Variants in FABP6 observed in about 807,000 individuals in gnomAD.
FABP6 encodes fatty acid binding protein 6, also known as gastrotropin.
FABP6 carries 13 observed loss-of-function variants against 14.9 expected under a neutral mutation model. That is an observed-to-expected ratio of 0.87 (90% CI 0.57 to 1.39). The LOEUF (loss-of-function observed/expected upper bound fraction) is 1.39. FABP6 is among the 40% of genes most tolerant of loss of function. The pLI is 0.00. For missense variants in FABP6, 161 were observed against 167.2 expected (o/e 0.96, Z 0.20); for synonymous variants, 75 against 63.6 (o/e 1.18, Z -0.85).
intron 3 of FABP6, among the ~76,000 whole-genome samples, chr5:160,218,461 C>T (rs1296332508): frequency 4.3e-5 from 5 of 116,408 alleles, no homozygotes; most frequent in Non-Finnish European, 3.3e-5. Flanking sequence ...TAGTCTTTGA[C>T]TTTTTTTTTT....
At chr5:160,213,609 A>T in intron 2 of FABP6, 1 of 773,568 alleles carries the variant, frequency 1.3e-6, no homozygotes, top group South Asian at 1.5e-5. Context: ...TGCTCAAATC[A>T]GTTTCCATTG....
chr5:160,190,698 C>T (rs1433318150), intron 1 of FABP6, among the ~76,000 whole-genome samples: 1 of 152,190 alleles, frequency 6.6e-6, no homozygotes, highest in Non-Finnish European at 1.5e-5. Flanking sequence ...CCTCCCTTCC[C>T]TTAACCTATG....
chr5:160,238,119 C>T (rs1003875259), intron 3 of FABP6, among the ~76,000 whole-genome samples: 3 of 152,164 alleles, frequency 2.0e-5, no homozygotes, highest in Non-Finnish European at 4.4e-5. Context: ...AGCATCCCCC[C>T]CGCCTGCCTC....
chr5:160,204,545 A>G (rs1759718767), intron 2 of FABP6, among the ~76,000 whole-genome samples: 2 of 151,878 alleles, frequency 1.3e-5, no homozygotes, highest in Non-Finnish European at 2.9e-5. Flanking sequence ...GCTGGAGTGC[A>G]GTGGCGCAAT....
At chr5:160,223,381 CCCTCTCTCCTTCCT>C (rs1760172949) in intron 3 of FABP6, among the ~76,000 whole-genome samples, 1 of 62,952 alleles carries the variant, frequency 1.6e-5, no homozygotes, top group South Asian at 5.4e-4. Flanking sequence ...CTCCCTCCCT[CCCTCTCTCCTTCCT>C]TCCTTCCTTC....
At chr5:160,187,742 A>ATTATTTATTTATTTATTTATTTAT (rs147766560) in intron 1 of FABP6, among the ~76,000 whole-genome samples, 6 of 150,562 alleles carry the variant, frequency 4.0e-5, no homozygotes, top group Admixed American at 3.3e-4. Context: ...AATATTTGCT[A>ATTATTTATTTATTTATTTATTTAT]TTATTTATTT....
At chr5:160,215,811 G>A (rs1760001254) in intron 3 of FABP6, among the ~76,000 whole-genome samples, 3 of 152,160 alleles carry the variant, frequency 2.0e-5, no homozygotes, top group African/African-American at 7.2e-5. Flanking sequence ...CTGCTGTTGT[G>A]AGGAATGGGG....
At chr5:160,191,282 A>G (rs1167874151) in intron 1 of FABP6, among the ~76,000 whole-genome samples, 4 of 152,018 alleles carry the variant, frequency 2.6e-5, no homozygotes, top group Non-Finnish European at 5.9e-5. Context: ...CCTGGCCAAC[A>G]TGGTGACACC....
intron 2 of FABP6, among the ~76,000 whole-genome samples, chr5:160,233,045 G>T (rs190014234): frequency 1.4e-5 from 2 of 147,666 alleles, no homozygotes; most frequent in Admixed American, 1.4e-4. Context: ...GCAGTGTCAT[G>T]ATCTCGGCTC....
intron 3 of FABP6, chr5:160,213,898 T>C (rs1238722306): frequency 8.6e-7 from 1 of 1,165,934 alleles, no homozygotes; most frequent in Non-Finnish European, 1.3e-6. Context: ...ACCTAGACTT[T>C]GTGTCCTATC....
chr5:160,229,076 T>C (rs757335567), upstream of FABP6, among the ~76,000 whole-genome samples: 1 of 152,204 alleles, frequency 6.6e-6, no homozygotes, highest in Non-Finnish European at 1.5e-5. Context: ...TCTGCAGGTG[T>C]GTGCTTGTCT....
upstream of FABP6, among the ~76,000 whole-genome samples, chr5:160,225,068 C>T (rs1230863129): frequency 2.7e-5 from 4 of 149,926 alleles, no homozygotes; most frequent in African/African-American, 9.9e-5. Context: ...GTATGAACTA[C>T]CATGTCTGGT....
At chr5:160,208,283 A>G (rs1465933602) in intron 2 of FABP6, among the ~76,000 whole-genome samples, 1 of 152,040 alleles carries the variant, frequency 6.6e-6, no homozygotes, top group East Asian at 1.9e-4. Context: ...TGTCTAAAAA[A>G]AAAAATTAGT....
chr5:160,219,674 A>T (rs1016814840), intron 3 of FABP6, among the ~76,000 whole-genome samples: 4 of 45,704 alleles, frequency 8.8e-5, no homozygotes, highest in Non-Finnish European at 1.9e-4. Flanking sequence ...ACCTTGGAAG[A>T]GTAGCAACTA....
chr5:160,231,169 T>G (rs912863028), intron 1 of FABP6, among the ~76,000 whole-genome samples: 4 of 152,142 alleles, frequency 2.6e-5, no homozygotes, highest in East Asian at 3.9e-4. Context: ...CTTGGGGCCT[T>G]GAGGAGTCGA....
At chr5:160,214,098 TCTTTCTTTCTTTC>T (rs1759956514) in intron 3 of FABP6, among the ~76,000 whole-genome samples, 1 of 55,536 alleles carries the variant, frequency 1.8e-5, no homozygotes, top group South Asian at 6.5e-4. Context: ...TCTCTTTCTT[TCTTTCTTTCTTTC>T]TTTCTTTCTT....
chr5:160,190,954 T>C (rs1348943682), intron 1 of FABP6, among the ~76,000 whole-genome samples: 1 of 66,586 alleles, frequency 1.5e-5, no homozygotes, highest in Non-Finnish European at 2.8e-5. Flanking sequence ...CTACTAAACA[T>C]GAAAAAAAAA....
chr5:160,238,170 C>A (rs1401610374), intron 3 of FABP6, among the ~76,000 whole-genome samples: 1 of 152,192 alleles, frequency 6.6e-6, no homozygotes, highest in South Asian at 2.1e-4. Flanking sequence ...GGGACTGTAT[C>A]TTCCCATCAC....
At chr5:160,234,992 G>A (rs1007686281) in intron 3 of FABP6, 83 bp downstream of exon 3, 26 of 1,216,908 alleles carry the variant, frequency 2.1e-5, no homozygotes, top group African/African-American at 2.0e-4. Flanking sequence ...AGGCCTCTAC[G>A]CAGCTGGCTT....
Sources: gnomAD v4.1 joint callset for allele counts (sites outside exome capture counted in the v4.1 genomes callset) on GRCh38, gnomAD v4.1.1 for gene constraint, MANE v1.5 for transcripts, NCBI Gene and HGNC (gene_info 2026-07-23, HGNC 2026-07-21) for gene names.